Variants in XPNPEP2 observed in about 807,000 individuals in gnomAD.
XPNPEP2 encodes the protein X-prolyl aminopeptidase 2.
XPNPEP2 carries 64 observed loss-of-function variants against 59.8 expected under a neutral mutation model. The ratio of observed to expected loss-of-function variants is 1.07; its 90% CI spans 0.87 to 1.32. The LOEUF (loss-of-function observed/expected upper bound fraction) is 1.32. Among genes scored for constraint, XPNPEP2 ranks in the 40% most tolerant of loss-of-function variants. The pLI, the probability that XPNPEP2 is intolerant of heterozygous loss-of-function variation, is 0.00. For missense variants in XPNPEP2, 575 were observed against 546.8 expected (o/e 1.05, Z -0.51); for synonymous variants, 235 against 210.0 (o/e 1.12, Z -1.03).
intron 14 of XPNPEP2, among the ~76,000 whole-genome samples, chrX:129,758,161 A>G: frequency 9.0e-6 from 1 of 111,718 alleles, no homozygotes. Context: ...TGTGCTAACG[A>G]CAGAGGCTCT....
intron 14 of XPNPEP2, among the ~76,000 whole-genome samples, chrX:129,757,799 G>GAAAA (rs1184956451): frequency 1.4e-4 from 6 of 42,755 alleles, no homozygotes; most frequent in Middle Eastern, 8.1e-3. Context: ...ATAAAAGGAA[G>GAAAA]AAAGAAAGAA....
Position 129,761,240 on chromosome X carries a change from G to GT in XPNPEP2, c.1567_1568insT (p.Gly523ValfsTer12). ...TGGTCTCAATTATGGTCATGGGACA[G>GT]GCCACGGCATTGGCAACTTCCTGTG... On this transcript the variant is annotated frameshift_variant, in exon 17 of 21. Coordinates refer to ENST00000371106, the MANE Select transcript of XPNPEP2 (RefSeq NM_003399.6). LOFTEE classifies it high-confidence loss of function. 1.6e-6 allele frequency: 2 copies of GT among 1,212,214 alleles called. No homozygotes were observed. Among genetic ancestry groups the GT allele is most frequent in the Non-Finnish European group, 2.2e-6 (2 of 895,577 alleles).
Position 129,769,225 on chromosome X carries a change from T to A in XPNPEP2, c.*740T>A, listed in dbSNP as rs1480000895. The A allele has an allele frequency of 8.9e-6, 1 of 112,514 alleles. No individual in the cohort carries two copies. The highest frequency in any genetic ancestry group is 1.9e-5 in the Non-Finnish European group (1 of 53,256). 9.3% of individuals were successfully genotyped at this position (112,514 alleles called of 1,213,427 possible). A position where few individuals can be genotyped will look rare whatever the true frequency, so the allele number is the denominator to read the frequency against. On this transcript the variant is annotated 3_prime_UTR_variant, in exon 21 of 21. Transcript: ENST00000371106. ...TACAATGCTGTTAAATCCTCCCACA[T>A]TCTTGGATGCCCCTTCACCTTGTGT...
chrX:129,756,942 C>T (rs1926529338), intron 14 of XPNPEP2, among the ~76,000 whole-genome samples: 1 of 103,127 alleles, frequency 9.7e-6, no homozygotes, highest in Non-Finnish European at 2.0e-5. Flanking sequence ...AAGTGATTCT[C>T]CTGCCTCAGC....
intron 11 of XPNPEP2, among the ~76,000 whole-genome samples, chrX:129,753,622 G>A (rs1301105772): frequency 9.0e-6 from 1 of 110,877 alleles, no homozygotes. Context: ...CAGCCTGGGC[G>A]AGACTAGGTC....
At chrX:129,763,554 C>T (rs1318852385) in intron 19 of XPNPEP2, among the ~76,000 whole-genome samples, 1 of 111,162 alleles carries the variant, frequency 9.0e-6, no homozygotes, top group African/African-American at 3.3e-5. Flanking sequence ...CACCTGCAGT[C>T]CCAGCTACTC....
At position 129,760,497 on chromosome X, in the gene XPNPEP2, T is replaced by C. The variant is rs772923031; in HGVS notation, c.1429-15T>C. 1 of 1,208,738 alleles carries C rather than the reference T, an allele frequency of 8.3e-7. No individual in the cohort carries two copies. The highest frequency in any genetic ancestry group is 1.1e-6 in the Non-Finnish European group (1 of 893,464). On this transcript the variant is annotated splice_polypyrimidine_tract_variant and intron_variant, in intron 15 of 20. Coordinates refer to ENST00000371106, the MANE Select transcript of XPNPEP2 (RefSeq NM_003399.6). ...TCCTCCCGTCCTCCATATCACCTCT[T>C]CCTCTCCCCATCAGGAGGCATACAC...
intron 1 of XPNPEP2, among the ~76,000 whole-genome samples, chrX:129,739,763 G>C (rs1023576164): frequency 4.4e-5 from 5 of 112,556 alleles, no homozygotes; most frequent in Admixed American, 1.9e-4. Context: ...TGCTAAGACT[G>C]GGTGATGCAA....
intron 19 of XPNPEP2, among the ~76,000 whole-genome samples, chrX:129,763,437 G>A (rs985227357): frequency 2.7e-5 from 3 of 112,221 alleles, no homozygotes; most frequent in African/African-American, 9.7e-5. Context: ...GGAGGCCAAG[G>A]CAGGAGGATC....
intron 8 of XPNPEP2, 105 bp from the exon 9 acceptor site, chrX:129,751,634 GGAAGGA>G: frequency 2.4e-6 from 1 of 419,609 alleles, no homozygotes; most frequent in East Asian, 4.0e-5. Context: ...AAGGAAGGAA[GGAAGGA>G]AGGGAGGAAG....
intron 7 of XPNPEP2, 66 bp downstream of exon 7, chrX:129,747,819 G>T: frequency 8.3e-7 from 1 of 1,199,245 alleles, no homozygotes; most frequent in Non-Finnish European, 1.1e-6. Flanking sequence ...CTATTCCGTA[G>T]GTGGCAAACT....
At chrX:129,762,649 G>T in intron 18 of XPNPEP2, 45 bp from the exon 19 acceptor site, 3 of 1,152,178 alleles carry the variant, frequency 2.6e-6, no homozygotes, top group East Asian at 3.0e-5. Context: ...CCTGGGCTTG[G>T]GCCCTCTCCC....
At chrX:129,757,979 C>T (rs932672236) in intron 14 of XPNPEP2, among the ~76,000 whole-genome samples, 1 of 109,922 alleles carries the variant, frequency 9.1e-6, no homozygotes, top group African/African-American at 3.3e-5. Context: ...AGGCTAACCC[C>T]ATTCCTTCCA....
Position 129,750,575 on chromosome X carries a change from T to G in XPNPEP2, c.739+6T>G, listed in dbSNP as rs900937930. The G allele has an allele frequency of 8.5e-7, 1 of 1,173,495 alleles. No homozygotes were observed. ...GGCGCTTGAGGAGACGGCCTGTGAG[T>G]GTGGATTTGCAGACATGGGTGGGCG... On this transcript the variant is annotated splice_donor_region_variant and intron_variant, in intron 8 of 20. Coordinates refer to ENST00000371106, the MANE Select transcript of XPNPEP2 (RefSeq NM_003399.6).
intron 9 of XPNPEP2, 69 bp from the exon 10 acceptor site, chrX:129,752,081 T>C: frequency 8.9e-7 from 1 of 1,128,353 alleles, no homozygotes; most frequent in African/African-American, 1.8e-5. Context: ...AGAGGGACTG[T>C]GACTGCCTCT....
chrX:129,741,861 C>G (rs773810591), intron 1 of XPNPEP2, among the ~76,000 whole-genome samples: 13 of 112,627 alleles, frequency 1.2e-4, no homozygotes, highest in Non-Finnish European at 5.6e-5. Flanking sequence ...TTAATGAGCA[C>G]TAAAACCCAT....
chrX:129,747,207 T>G (rs1926314752), intron 6 of XPNPEP2, among the ~76,000 whole-genome samples: 1 of 112,748 alleles, frequency 8.9e-6, no homozygotes, highest in Non-Finnish European at 1.9e-5. Context: ...ACTGAAAGGC[T>G]TGTGCTTTAG....
At chrX:129,745,950 C>T (rs1210454723) in intron 4 of XPNPEP2, among the ~76,000 whole-genome samples, 1 of 111,452 alleles carries the variant, frequency 9.0e-6, no homozygotes, top group African/African-American at 3.3e-5. Context: ...CCCCATCTTT[C>T]CTGAGAGCGC....
intron 6 of XPNPEP2, 61 bp from the exon 7 acceptor site, chrX:129,747,546 C>A: frequency 8.4e-7 from 1 of 1,189,617 alleles, no homozygotes; most frequent in Non-Finnish European, 1.1e-6. Context: ...TTGCCTGAAT[C>A]ACAATTTTTT....
Sources: gnomAD v4.1 joint callset for allele counts (sites outside exome capture counted in the v4.1 genomes callset) on GRCh38, gnomAD v4.1.1 for gene constraint, MANE v1.5 for transcripts, NCBI Gene and HGNC (gene_info 2026-07-23, HGNC 2026-07-21) for gene names.